Variants in NCALD observed in about 807,000 individuals in gnomAD.
NCALD encodes the protein neurocalcin-delta.
A neutral mutation model predicts 18.6 loss-of-function variants in NCALD; 10 were observed. The observed-to-expected ratio is 0.54, with a 90% CI of 0.33 to 0.91. The LOEUF (loss-of-function observed/expected upper bound fraction) is 0.91. NCALD is among the 40% of genes least tolerant of loss of function. NCALD has a pLI of 0.03. For synonymous variants in NCALD, 88 were observed against 87.4 expected, an observed-to-expected ratio of 1.01 and a Z score of -0.04; for missense variants, 184 against 247.6, an observed-to-expected ratio of 0.74 and a Z score of 1.72.
At chr8:102,008,959 CACACACACAA>C (rs1456533767) in intron 2 of NCALD, among the ~76,000 whole-genome samples, 1 of 142,014 alleles carries the variant, frequency 7.0e-6, no homozygotes, top group African/African-American at 2.7e-5. Context: ...CACACACACA[CACACACACAA>C]GCCCTAAAAG....
At chr8:101,838,098 T>C (rs1443295962) in intron 4 of NCALD, among the ~76,000 whole-genome samples, 1 of 152,234 alleles carries the variant, frequency 6.6e-6, no homozygotes, top group East Asian at 1.9e-4. Context: ...AGTGTATTAA[T>C]ATAACATTTT....
chr8:101,872,436 G>T, intron 4 of NCALD: 1 of 1,088,528 alleles, frequency 9.2e-7, no homozygotes, highest in Non-Finnish European at 1.4e-6. Context: ...GCTGAAGGAT[G>T]TGCTGCTCCT....
At chr8:102,073,740 G>A (rs1468408458) in intron 1 of NCALD, among the ~76,000 whole-genome samples, 1 of 152,188 alleles carries the variant, frequency 6.6e-6, no homozygotes, top group Non-Finnish European at 1.5e-5. Context: ...GACCCTTTCT[G>A]AGGGCACACA....
chr8:101,692,957 T>G lies in NCALD; in HGVS notation c.379-61A>C, dbSNP rs113691511. 53 of 1,212,110 alleles carry G rather than the reference T, an allele frequency of 4.4e-5. 1 individual carries two copies. Among genetic ancestry groups the G allele is most frequent in the Non-Finnish European group, 6.3e-5 (52 of 819,590 alleles). The allele number at this position is 1,212,110 out of a possible 1,614,324, so 75.1% of individuals were successfully genotyped here. On this transcript the variant is annotated intron_variant, in intron 2 of 3. Transcript: ENST00000220931. ...AACAGTATGGCACACAATAGACCTATCATTAAACCTCCCAAATGCGGGCTG... is the reference window on the plus strand; with the variant it reads ...AACAGTATGGCACACAATAGACCTAGCATTAAACCTCCCAAATGCGGGCTG...
chr8:102,003,299 CG>C (rs1280513402), intron 2 of NCALD, among the ~76,000 whole-genome samples: 1 of 152,128 alleles, frequency 6.6e-6, no homozygotes, highest in Non-Finnish European at 1.5e-5. Context: ...ATAAATTCCT[CG>C]ACATATACAC....
At chr8:101,808,452 A>C (rs1257188422) in intron 4 of NCALD, among the ~76,000 whole-genome samples, 1 of 152,198 alleles carries the variant, frequency 6.6e-6, no homozygotes, top group Non-Finnish European at 1.5e-5. Context: ...CTGTGGCAGC[A>C]GTTGCTAATT....
At chr8:102,043,242 G>A (rs150607485) in intron 1 of NCALD, among the ~76,000 whole-genome samples, 4 of 152,116 alleles carry the variant, frequency 2.6e-5, no homozygotes, top group African/African-American at 4.8e-5. Flanking sequence ...ATTTCCATTT[G>A]AGGATGATAA....
intron 4 of NCALD, among the ~76,000 whole-genome samples, chr8:101,850,474 A>T (rs956997512): frequency 6.6e-6 from 1 of 152,218 alleles, no homozygotes; most frequent in Non-Finnish European, 1.5e-5. Context: ...AACTTGTGTT[A>T]GGTTAATGTT....
intron 4 of NCALD, among the ~76,000 whole-genome samples, chr8:101,842,749 C>G (rs1377554723): frequency 6.6e-6 from 1 of 152,194 alleles, no homozygotes; most frequent in African/African-American, 2.4e-5. Flanking sequence ...ATGTGGCCAG[C>G]CCCAGCTGCC....
chr8:101,984,756 G>C (rs962082441), intron 2 of NCALD, among the ~76,000 whole-genome samples: 1 of 152,184 alleles, frequency 6.6e-6, no homozygotes, highest in African/African-American at 2.4e-5. Context: ...CAAGATCAAG[G>C]GAGTGGTGAA....
intron 3 of NCALD, among the ~76,000 whole-genome samples, chr8:101,892,023 G>A (rs979151588): frequency 6.6e-6 from 1 of 152,138 alleles, no homozygotes; most frequent in African/African-American, 2.4e-5. Context: ...AGCTCAAGGA[G>A]GCCTGGCTGC....
chr8:102,098,900 C>A (rs1825186230), intron 1 of NCALD, among the ~76,000 whole-genome samples: 1 of 152,214 alleles, frequency 6.6e-6, no homozygotes, highest in Non-Finnish European at 1.5e-5. Context: ...ACACTGACTT[C>A]ATCTCTCACT....
chr8:101,979,395 A>G (rs993130950), intron 2 of NCALD, among the ~76,000 whole-genome samples: 16 of 152,224 alleles, frequency 1.1e-4, no homozygotes, highest in African/African-American at 3.1e-4. Context: ...ATGAACAAAG[A>G]CAACGTTCCT....
rs1814577032 is a variant in NCALD, at chr8:101,688,860, C to T, written c.*449G>A. 2 of 623,408 alleles carry T rather than the reference C, an allele frequency of 3.2e-6. No individual in the cohort carries two copies. The highest frequency in any genetic ancestry group is 1.8e-5 in the South Asian group (1 of 55,910). 38.6% of individuals were successfully genotyped at this position (623,408 alleles called of 1,614,324 possible). On this transcript the variant is annotated 3_prime_UTR_variant, in exon 4 of 4. Transcript: ENST00000220931. ...AGAGGGTAACTTGTTCTTGGGGAAT[C>T]CAGCATCCGGTGCCATCCATCACCC...
At chr8:101,845,060 C>T (rs977817029) in intron 4 of NCALD, among the ~76,000 whole-genome samples, 4 of 152,198 alleles carry the variant, frequency 2.6e-5, no homozygotes, top group Non-Finnish European at 5.9e-5. Flanking sequence ...AAAGTGGCAG[C>T]TACAGAATCT....
intron 1 of NCALD, among the ~76,000 whole-genome samples, chr8:101,784,463 G>A (rs2130976811): frequency 6.6e-6 from 1 of 152,144 alleles, no homozygotes; most frequent in Admixed American, 6.6e-5. Context: ...TCAAAGGGAG[G>A]GGCAATAGAC....
chr8:101,746,115 A>G, intron 1 of NCALD: 1 of 152,260 alleles, frequency 6.6e-6, no homozygotes, highest in East Asian at 1.9e-4. Context: ...CGCATGTTAC[A>G]GATTAAAAAA....
chr8:102,081,576 AC>A (rs55666233), intron 1 of NCALD, among the ~76,000 whole-genome samples: 2,388 of 63,292 alleles, frequency 0.038, 116 homozygotes, highest in African/African-American at 0.2. Context: ...AAAAAAAAAA[AC>A]CCCAAAAAAA....
In NCALD at chr8:102,039,336, A is replaced by G. The variant is rs542084027; in HGVS notation, c.-209-19047T>C. 1.6e-3 allele frequency among the ~76,000 whole-genome samples: 240 copies of G among 152,330 alleles called. 1 individual carries two copies. The highest frequency in any genetic ancestry group is 5.2e-3 in the African/African-American group (218 of 41,576). The stretch of plus-strand genomic sequence containing the variant: ...GGAATATAATGATGATTGTTAGAAT[A>G]TGGGTTGCTGATGTTCTTTATCACA... On this transcript the variant is annotated intron_variant, in intron 1 of 6. Coordinates refer to the NCALD transcript ENST00000311028.
Sources: gnomAD v4.1 joint callset for allele counts (sites outside exome capture counted in the v4.1 genomes callset) on GRCh38, gnomAD v4.1.1 for gene constraint, MANE v1.5 for transcripts, NCBI Gene and HGNC (gene_info 2026-07-23, HGNC 2026-07-21) for gene names.